The following LGR5 variants were observed in gnomAD, a reference collection of about 807,000 sequenced individuals.
LGR5 encodes the protein leucine rich repeat containing G protein-coupled receptor 5, also known as leucine-rich repeat-containing G protein-coupled receptor 5.
In LGR5, 54 loss-of-function variants were observed where a neutral mutation model predicts 76.7. The ratio of observed to expected loss-of-function variants is 0.70; its 90% CI spans 0.57 to 0.88. LGR5 has a LOEUF of 0.88. Among genes scored for constraint, LGR5 ranks in the 40% least tolerant of loss-of-function variants. The pLI is 0.00. For synonymous variants in LGR5, 406 were observed against 421.9 expected (o/e 0.96, Z 0.46); for missense variants, 1,078 against 1,073.3 (o/e 1.00, Z -0.06).
chr12:71,496,978 A>G (rs1030395505), intron 1 of LGR5, among the ~76,000 whole-genome samples: 2 of 152,072 alleles, frequency 1.3e-5, no homozygotes, highest in African/African-American at 4.8e-5. Flanking sequence ...TCAATATTCT[A>G]TTTCTTGATT....
intron 1 of LGR5, among the ~76,000 whole-genome samples, chr12:71,496,809 G>C (rs1374520510): frequency 1.3e-5 from 2 of 152,108 alleles, no homozygotes; most frequent in African/African-American, 4.8e-5. Flanking sequence ...CAAATATAAT[G>C]AGTGAAGAAG....
intron 4 of LGR5, among the ~76,000 whole-genome samples, chr12:71,552,216 T>G (rs942182581): frequency 6.6e-6 from 1 of 152,094 alleles, no homozygotes; most frequent in Non-Finnish European, 1.5e-5. Context: ...CAAACCTGCA[T>G]GTTCTGCACG....
chr12:71,468,709 CTTTT>C (rs538254378), intron 1 of LGR5, among the ~76,000 whole-genome samples: 1 of 70,062 alleles, frequency 1.4e-5, no homozygotes, highest in Non-Finnish European at 2.8e-5. Context: ...GTGGTAGCCT[CTTTT>C]TTTTTTTTTT....
intron 1 of LGR5, among the ~76,000 whole-genome samples, chr12:71,472,803 T>C (rs1178414238): frequency 6.6e-6 from 1 of 152,220 alleles, no homozygotes; most frequent in East Asian, 1.9e-4. Flanking sequence ...CAAGAGCTTC[T>C]AACATCTGAC....
chr12:71,514,151 G>T (rs181944158), intron 2 of LGR5, among the ~76,000 whole-genome samples: 1 of 152,056 alleles, frequency 6.6e-6, no homozygotes, highest in Admixed American at 6.6e-5. Flanking sequence ...AAAGGGTAGA[G>T]GGTAGAAAAT....
chr12:71,575,666 G>A (rs376609986), intron 13 of LGR5, among the ~76,000 whole-genome samples: 9 of 151,976 alleles, frequency 5.9e-5, no homozygotes, highest in Admixed American at 1.3e-4. Context: ...AGCTGAGATC[G>A]CACTACCGCC....
chr12:71,582,248 C>G, intron 16 of LGR5: 1 of 495,450 alleles, frequency 2.0e-6, no homozygotes, highest in Non-Finnish European at 3.7e-6. Flanking sequence ...GGTCACTCTC[C>G]CTCACCCCCA....
At chr12:71,476,873 A>T (rs1873358911) in intron 1 of LGR5, among the ~76,000 whole-genome samples, 1 of 152,226 alleles carries the variant, frequency 6.6e-6, no homozygotes, top group Admixed American at 6.5e-5. Flanking sequence ...TTATACCTAA[A>T]CAAGCAGATA....
At chr12:71,580,529 C>A in intron 16 of LGR5, 106 bp downstream of exon 16, 2 of 1,143,920 alleles carry the variant, frequency 1.7e-6, no homozygotes, top group Non-Finnish European at 2.5e-6. Flanking sequence ...GGTGTGGTGG[C>A]ACACACCTGT....
chr12:71,458,741 T>C (rs1426308362), intron 1 of LGR5, among the ~76,000 whole-genome samples: 1 of 151,460 alleles, frequency 6.6e-6, no homozygotes, highest in African/African-American at 2.4e-5. Flanking sequence ...AATATTTTTA[T>C]CAACTGCCCA....
intron 16 of LGR5, among the ~76,000 whole-genome samples, chr12:71,580,723 G>A (rs916972930): frequency 1.3e-4 from 19 of 151,966 alleles, no homozygotes; most frequent in Admixed American, 2.6e-4. Flanking sequence ...GCTTCAACCC[G>A]GGAGGCAGGT....
intron 4 of LGR5, among the ~76,000 whole-genome samples, chr12:71,535,864 C>T (rs947448340): frequency 1.4e-4 from 21 of 152,164 alleles, no homozygotes; most frequent in Non-Finnish European, 2.8e-4. Flanking sequence ...TTTCCTACCC[C>T]CCTACACACA....
intron 1 of LGR5, among the ~76,000 whole-genome samples, chr12:71,481,192 T>C (rs1226638612): frequency 3.3e-5 from 5 of 152,198 alleles, no homozygotes; most frequent in African/African-American, 4.8e-5. Context: ...AACCATCATA[T>C]AGGTTTTAAG....
Position 71,571,534 on chromosome 12 carries a change from TAGA to T in LGR5, c.1095_1097del (p.Glu365del). 1 of 1,613,006 alleles carries T rather than the reference TAGA, an allele frequency of 6.2e-7. No homozygotes were observed. ...TTCAGAGATCTGTCTTACAACCTATTAGAAGATTTACCCAGTTTTTCAGTCTGC... is the reference window on the plus strand; with the variant it reads ...TTCAGAGATCTGTCTTACAACCTATTAGATTTACCCAGTTTTTCAGTCTGC... On this transcript the variant is annotated inframe_deletion, in exon 12 of 18. Transcript: ENST00000266674.
intron 1 of LGR5, among the ~76,000 whole-genome samples, chr12:71,476,868 C>T (rs576903435): frequency 2.0e-5 from 3 of 152,160 alleles, no homozygotes; most frequent in South Asian, 4.2e-4. Flanking sequence ...AAACGTTATA[C>T]CTAAACAAGC....
chr12:71,566,787 T>A lies in LGR5; in HGVS notation c.999-54T>A. On this transcript the variant is annotated intron_variant, in intron 10 of 17. Coordinates refer to ENST00000266674, the MANE Select transcript of LGR5 (RefSeq NM_003667.4). ...GTCTTAACATCAGTGAGTCAAAATATGTCACTGTGTGATGCCTGAATGAAA... is the reference window on the plus strand; with the variant it reads ...GTCTTAACATCAGTGAGTCAAAATAAGTCACTGTGTGATGCCTGAATGAAA... 6 of 1,581,504 alleles carry A rather than the reference T, an allele frequency of 3.8e-6. No homozygotes were observed. The African/African-American group carries it at 5.4e-5, about 14-fold the overall frequency.
intron 1 of LGR5, among the ~76,000 whole-genome samples, chr12:71,501,485 A>C (rs946556501): frequency 5.3e-5 from 8 of 152,296 alleles, no homozygotes; most frequent in Non-Finnish European, 8.8e-5. Flanking sequence ...AACATTCTCT[A>C]ATTCTATCAT....
In LGR5 at chr12:71,582,477, TC is replaced by T. The variant is rs1879134076; in HGVS notation, c.1576del (p.Leu526CysfsTer8). The T allele has an allele frequency of 6.2e-7, 1 of 1,614,142 alleles. No homozygotes were observed. The highest frequency in any genetic ancestry group is 8.5e-7 in the Non-Finnish European group (1 of 1,179,982). ...QAQDERDLED[F>X]LLDFEEDLKA... is the part of the protein sequence containing the mutation. The stretch of plus-strand genomic sequence containing the variant: ...GCAGATGAACGTGACCTTGAAGATT[TC>T]CTGCTTGACTTTGAGGAAGACCTGA... On this transcript the variant is annotated frameshift_variant, in exon 17 of 18. Transcript: ENST00000266674. LOFTEE classifies it high-confidence loss of function.
chr12:71,554,259 C>T lies in LGR5; in HGVS notation c.644+971C>T, dbSNP rs552437333. Among the ~76,000 whole-genome samples, 33 of 152,198 alleles carry T rather than the reference C, an allele frequency of 2.2e-4. No homozygotes were observed. In the South Asian group the frequency reaches 6.4e-3, roughly 30 times the overall value. ...TGATTTGTTGGGTCAGGGATGAAAT[C>T]ATAAGGGATTGAAGTTGTCCTCTTG... On this transcript the variant is annotated intron_variant, in intron 5 of 17. Transcript: ENST00000266674.
Sources: allele counts gnomAD v4.1 joint callset (sites outside exome capture counted in the v4.1 genomes callset), GRCh38; gene constraint gnomAD v4.1.1; transcripts MANE v1.5; gene names NCBI Gene and HGNC (gene_info 2026-07-23, HGNC 2026-07-21).